Variants in PLXND1 observed in about 807,000 individuals in gnomAD.
PLXND1 encodes the protein plexin-D1.
In PLXND1, 54 loss-of-function variants were observed where a neutral mutation model predicts 197.7. The observed-to-expected ratio is 0.27, with a 90% CI of 0.22 to 0.34. The LOEUF is 0.34. Among genes scored for constraint, PLXND1 ranks in the 10% least tolerant of loss-of-function variants. The probability of loss-of-function intolerance (pLI) is 1.00; values close to 1 mark genes in which losing one functional copy is unlikely to be tolerated. For synonymous variants in PLXND1, 1,180 were observed against 1,161.2 expected, an observed-to-expected ratio of 1.02 and a Z score of -0.33; for missense variants, 2,127 against 2,699.2, an observed-to-expected ratio of 0.79 and a Z score of 4.70.
At chr3:129,590,414 T>A (rs2085522524) in intron 1 of PLXND1, among the ~76,000 whole-genome samples, 2 of 152,164 alleles carry the variant, frequency 1.3e-5, no homozygotes, top group Admixed American at 6.5e-5. Context: ...CTCCAGGAAG[T>A]GACCCTGAGA....
intron 12 of PLXND1, 151 bp from the exon 13 acceptor site, chr3:129,573,896 G>T: frequency 1.2e-6 from 1 of 855,088 alleles, no homozygotes; most frequent in Non-Finnish European, 1.8e-6. Flanking sequence ...TGGGACTGTG[G>T]CCACTTGGCA....
At position 129,586,289 on chromosome 3, in the gene PLXND1, G is replaced by C. The variant is rs771994261; in HGVS notation, c.1621-17C>G. On this transcript the variant is annotated splice_polypyrimidine_tract_variant and intron_variant, in intron 3 of 35. Transcript: ENST00000324093. ...CCTGGCCATCTGGGGGCAGAGGTGG[G>C]GGCCCAGCTCAATGGGACTGCCAGC... The C allele has an allele frequency of 6.5e-7, 1 of 1,541,530 alleles. No homozygotes were observed. The highest frequency in any genetic ancestry group is 1.8e-5 in the Admixed American group (1 of 54,422).
chr3:129,561,351 C>T (rs535324445), intron 29 of PLXND1, among the ~76,000 whole-genome samples: 13 of 152,318 alleles, frequency 8.5e-5, no homozygotes, highest in East Asian at 7.7e-4. Flanking sequence ...AAGGCTGAGA[C>T]GGGCATGCTG....
intron 28 of PLXND1, 41 bp downstream of exon 28, chr3:129,561,759 G>A: frequency 8.0e-7 from 1 of 1,253,474 alleles, no homozygotes; most frequent in Non-Finnish European, 1.1e-6. Context: ...TGGGGTGGGG[G>A]CATGAGGGTG....
Position 129,586,578 on chromosome 3 carries a change from C to T in PLXND1, c.1620+10G>A. On this transcript the variant is annotated intron_variant, in intron 3 of 35. Transcript: ENST00000324093. ...GCTGGGATGGCGTTGGGCTGGGGCT[C>T]TGGCCTCACCTGGTGGGACGTCATC... is the stretch of plus-strand genomic sequence containing the variant. The T allele has an allele frequency of 6.4e-7, 1 of 1,563,558 alleles. No homozygotes were observed. Among genetic ancestry groups the T allele is most frequent in the Non-Finnish European group, 8.7e-7 (1 of 1,153,240 alleles).
chr3:129,571,377 G>C lies in PLXND1; in HGVS notation c.3337-74C>G, dbSNP rs575936501. 557 of 1,557,592 alleles carry C rather than the reference G, an allele frequency of 3.6e-4. 1 individual carries two copies. In the African/African-American group the frequency reaches 6.6e-3, roughly 19 times the overall value. On this transcript the variant is annotated intron_variant, in intron 17 of 35. Transcript: ENST00000324093. ...TGGGCATGGAGAAACGGTGGGGAGTGGGGTTTGAGGAGACACAGAGGCAGA... is the reference window on the plus strand; with the variant it reads ...TGGGCATGGAGAAACGGTGGGGAGTCGGGTTTGAGGAGACACAGAGGCAGA...
In PLXND1 at chr3:129,585,801, G is replaced by A. The variant is rs896601844; in HGVS notation, c.1851+151C>T. 8.2e-6 allele frequency: 9 copies of A among 1,102,148 alleles called. No individual in the cohort carries two copies. In the African/African-American group the frequency reaches 1.2e-4, roughly 15 times the overall value. 68.3% of individuals were successfully genotyped at this position (1,102,148 alleles called of 1,614,324 possible). On this transcript the variant is annotated intron_variant, in intron 5 of 35. Coordinates refer to ENST00000324093, the MANE Select transcript of PLXND1 (RefSeq NM_015103.3). ...GTGCCTGGCACTTACTAGTTGGTCA[G>A]GAAAGCCCAGTCATTGTCACTGTTC...
rs1387832047 is a variant in PLXND1 at position 129,557,622 on chromosome 3, T to C, written c.5446-399A>G. 2.0e-5 allele frequency among the ~76,000 whole-genome samples: 3 copies of C among 152,172 alleles called. No individual in the cohort carries two copies. Among genetic ancestry groups the C allele is most frequent in the Non-Finnish European group, 4.4e-5 (3 of 68,024 alleles). ...GCCTGAGTGCTGGCTCAGTGGAATA[T>C]TTCCCACCACATGCTCCTAACGCCT... On this transcript the variant is annotated intron_variant, in intron 33 of 35. Transcript: ENST00000324093. The surrounding 1 kb of genome is among the most constrained non-coding windows in gnomAD (Gnocchi z 4.8).
In PLXND1 at chr3:129,562,105, G is replaced by C. The variant is rs562991204; in HGVS notation, c.4826-202C>G. On this transcript the variant is annotated intron_variant, in intron 27 of 35. Coordinates refer to ENST00000324093, the MANE Select transcript of PLXND1 (RefSeq NM_015103.3). ...CTGGGGGAGAGTGTGAGGGTACAAA[G>C]AGAAGGTGCCAGGGTGGAGGGCACA... Among the ~76,000 whole-genome samples, 14 of 152,260 alleles carry C rather than the reference G, an allele frequency of 9.2e-5. 1 individual carries two copies. In the South Asian group the frequency reaches 2.7e-3, roughly 29 times the overall value.
chr3:129,605,583 C>G lies in PLXND1; in HGVS notation c.1057G>C (p.Asp353His), dbSNP rs2085777836. ...LQCAGGAGRG[D>H]LYSRLVSVFP... ...ACCGACACCAGGCGGCTGTAGAGGT[C>G]GCCGCGGCCCGCGCCGCCCGCGCAC... Residue 353 changes from aspartate to histidine, a missense_variant, in exon 1 of 36, where the codon GAC (aspartate) becomes CAC (histidine). Coordinates refer to ENST00000324093, the MANE Select transcript of PLXND1 (RefSeq NM_015103.3). 1.3e-6 allele frequency: 2 copies of G among 1,533,852 alleles called. No individual in the cohort carries two copies. The highest frequency in any genetic ancestry group is 2.8e-5 in the African/African-American group (2 of 71,704).
chr3:129,561,793 G>C lies in PLXND1; in HGVS notation c.4929+7C>G, dbSNP rs778078002. 6.2e-7 allele frequency: 1 copy of C among 1,604,182 alleles called. No individual in the cohort carries two copies. Among genetic ancestry groups the C allele is most frequent in the Non-Finnish European group, 8.5e-7 (1 of 1,171,902 alleles). On this transcript the variant is annotated splice_region_variant and intron_variant, in intron 28 of 35. Coordinates refer to ENST00000324093, the MANE Select transcript of PLXND1 (RefSeq NM_015103.3). ...TGGGGAAATGGGGGCGGGGGGCAGGGCTGCACCTTGTAATGGGCCAGCGTG... is the reference window on the plus strand; with the variant it reads ...TGGGGAAATGGGGGCGGGGGGCAGGCCTGCACCTTGTAATGGGCCAGCGTG...
At chr3:129,583,719 A>C (rs748283922) in intron 7 of PLXND1, 50 bp from the exon 8 acceptor site, 20 of 1,245,248 alleles carry the variant, frequency 1.6e-5, no homozygotes, top group Non-Finnish European at 2.2e-5. Context: ...CCCTCAACTC[A>C]TCCCTGTCCC....
In PLXND1 at chr3:129,586,187, C is replaced by T; in HGVS notation, c.1706G>A (p.Cys569Tyr). ...CCAGCCTCACCGCGTCTCCAGGGCA[C>T]ACCAGCCGCAGTAGGCGTCCGCCGC... The part of the protein sequence containing the change: ...VGAADAYCGW[C>Y]ALETRCTLQQ... The change falls in exon 4 of 36, where the codon TGT (cysteine) becomes TAT (tyrosine). Residue 569 changes from cysteine (C) to tyrosine (Y), a missense_variant. Around this residue, in one of 6 missense-constraint regions of PLXND1, gnomAD observed 1,095 missense variants for 1,259.8 expected, o/e 0.87. Transcript: ENST00000324093. The T allele has an allele frequency of 6.2e-7, 1 of 1,605,500 alleles. No homozygotes were observed. Among genetic ancestry groups the T allele is most frequent in the Non-Finnish European group, 8.5e-7 (1 of 1,178,380 alleles).
chr3:129,565,662 C>CGAGGGGTG, intron 24 of PLXND1, 124 bp from the exon 25 acceptor site: 1 of 936,596 alleles, frequency 1.1e-6, no homozygotes, highest in Non-Finnish European at 1.6e-6. Context: ...GTGGGTCCTG[C>CGAGGGGTG]GAGGGGTGAG....
intron 20 of PLXND1, among the ~76,000 whole-genome samples, chr3:129,568,782 C>T (rs549512554): frequency 6.6e-6 from 1 of 152,314 alleles, no homozygotes; most frequent in East Asian, 1.9e-4. Flanking sequence ...CTCCTGGGCT[C>T]AAGTGAGCCA....
In PLXND1 at chr3:129,555,323, G is replaced by C; in HGVS notation, c.*989C>G. ...TCCCAACACTGGCTGAGTTGGCTGC[G>C]AGGGGCCCGCATGGCCCATCGGCCA... On this transcript the variant is annotated 3_prime_UTR_variant, in exon 36 of 36. Transcript: ENST00000324093. 4 of 560,748 alleles carry C rather than the reference G, an allele frequency of 7.1e-6. No homozygotes were observed. The highest frequency in any genetic ancestry group is 4.5e-5 in the South Asian group (2 of 44,606). The allele number at this position is 560,748 out of a possible 1,614,324, so 34.7% of individuals were successfully genotyped here.
chr3:129,574,027 C>T (rs1452715861), intron 12 of PLXND1, among the ~76,000 whole-genome samples: 1 of 152,190 alleles, frequency 6.6e-6, no homozygotes, highest in East Asian at 1.9e-4. Context: ...AATGTTTGGC[C>T]ATGTCATTGG....
chr3:129,586,345 TG>T, intron 3 of PLXND1, 73 bp from the exon 4 acceptor site: 1 of 1,238,396 alleles, frequency 8.1e-7, no homozygotes, highest in East Asian at 2.5e-5. Context: ...ACGGTCAGCA[TG>T]GTGCGGGCCA....
rs562160966 is a variant in PLXND1 at position 129,572,970 on chromosome 3, G to A, written c.2838-29C>T. On this transcript the variant is annotated intron_variant, in intron 13 of 35. Coordinates refer to ENST00000324093, the MANE Select transcript of PLXND1 (RefSeq NM_015103.3). ...AGGGGAGGTGCTGTGGTCAGCCAGC[G>A]GTCCTTGGCCCCCACGGCCACCCTA... 3.5e-4 allele frequency: 547 copies of A among 1,559,870 alleles called. 2 individuals are homozygous for A. Among genetic ancestry groups the A allele is most frequent in the Admixed American group, 5.4e-4 (32 of 59,474 alleles).
Sources: allele counts gnomAD v4.1 joint callset (sites outside exome capture counted in the v4.1 genomes callset), GRCh38; gene constraint gnomAD v4.1.1; regional missense constraint gnomAD v4.1.1; non-coding constraint Gnocchi (gnomAD v3.1); transcripts MANE v1.5; gene names NCBI Gene and HGNC (gene_info 2026-07-23, HGNC 2026-07-21).